Variants in ARID1A observed in about 807,000 individuals in gnomAD.
ARID1A encodes AT-rich interaction domain 1A, also known as AT-rich interactive domain-containing protein 1A.
Under a neutral mutation model 212.6 loss-of-function variants are expected in ARID1A, and 20 were observed. That is an observed-to-expected ratio of 0.09 (90% CI 0.07 to 0.14). The LOEUF (loss-of-function observed/expected upper bound fraction) is 0.14, where lower values mean the gene tolerates loss of function less well. Ranked by LOEUF, ARID1A falls within the 10% of genes least tolerant of loss-of-function variation. The pLI is 1.00. For missense variants in ARID1A, 2,587 were observed against 3,059.0 expected, an observed-to-expected ratio of 0.85 and a Z score of 3.64; for synonymous variants, 1,376 against 1,222.1, an observed-to-expected ratio of 1.13 and a Z score of -2.63.
intron 7 of ARID1A, 127 bp from the exon 8 acceptor site, chr1:26,762,846 G>A (rs779411347): frequency 4.9e-5 from 47 of 960,468 alleles, no homozygotes; most frequent in Non-Finnish European, 6.6e-5. Context: ...GGCGATAAAG[G>A]CTACCATGAA....
At chr1:26,713,253 T>C (rs2080470153) in intron 1 of ARID1A, among the ~76,000 whole-genome samples, 1 of 152,172 alleles carries the variant, frequency 6.6e-6, no homozygotes, top group Admixed American at 6.5e-5. Flanking sequence ...TCTGCATTAG[T>C]AGAATGCAGA....
Position 26,775,514 on chromosome 1 carries a change from G to T in ARID1A, c.4994-63G>T. Reference sequence around the variant, plus strand: ...TCAGAGTAGCTTCACTGATGGGGCAGCCCTAGGGGTGCCTCCAGCCAACCT... The same window carrying T: ...TCAGAGTAGCTTCACTGATGGGGCATCCCTAGGGGTGCCTCCAGCCAACCT... On this transcript the variant is annotated intron_variant, in intron 18 of 19. Transcript: ENST00000324856. 1.1e-5 allele frequency: 17 copies of T among 1,602,268 alleles called. No individual in the cohort carries two copies. In the South Asian group the frequency reaches 1.9e-4, roughly 18 times the overall value.
rs566544368 is a variant in ARID1A, at chr1:26,696,963, G to T, written c.560G>T (p.Gly187Val). Residue 187 changes from glycine to valine, a missense_variant, in exon 1 of 20, where the codon GGC becomes GTC. Gly to Val is a moderately radical substitution (Grantham distance 109). Transcript: ENST00000324856. The stretch of plus-strand genomic sequence containing the variant: ...CCTGGCCTGGCAGCGCTGCAGAGCG[G>T]CGGCGGCGGGGGCCTGGAGCCCTAC... ...QSPGLAALQS[G>V]GGGGLEPYAG... The T allele has an allele frequency of 2.9e-5, 43 of 1,476,796 alleles. No individual in the cohort carries two copies. In the African/African-American group the frequency reaches 5.7e-4, roughly 20 times the overall value. The allele number at this position is 1,476,796 out of a possible 1,614,324, so 91.5% of individuals were successfully genotyped here.
chr1:26,726,440 G>A (rs2080620101), intron 1 of ARID1A, among the ~76,000 whole-genome samples: 1 of 150,566 alleles, frequency 6.6e-6, no homozygotes, highest in Non-Finnish European at 1.5e-5. Context: ...CTCCCAAAGT[G>A]CTGGGATTAC....
intron 4 of ARID1A, among the ~76,000 whole-genome samples, chr1:26,748,163 G>C (rs2080854501): frequency 6.6e-6 from 1 of 152,216 alleles, no homozygotes. Flanking sequence ...CTAGTTCTAA[G>C]CCATGTTCAG....
rs1424072927 is a variant in ARID1A at position 26,774,153 on chromosome 1, GA to G, written c.4102-173del. 2.3e-6 allele frequency: 3 copies of G among 1,287,160 alleles called. No individual in the cohort carries two copies. In the African/African-American group the frequency reaches 4.5e-5, roughly 19 times the overall value. The allele number at this position is 1,287,160 out of a possible 1,614,324, so 79.7% of individuals were successfully genotyped here. A position where few individuals can be genotyped will look rare whatever the true frequency, so the allele number is the denominator to read the frequency against. On this transcript the variant is annotated intron_variant, in intron 17 of 19. Coordinates refer to ENST00000324856, the MANE Select transcript of ARID1A (RefSeq NM_006015.6). The surrounding 1 kb of genome is among the most constrained non-coding windows in gnomAD (Gnocchi z 5.6). ...TTTCTACTTAAGCAAGGGAAGGGAA[GA>G]AAGAGTGGTGGTTGCTTTTGGAAAC...
rs2081195556 is a variant in ARID1A, at chr1:26,781,544, A to C, written c.*788A>C. 2 of 233,470 alleles carry C rather than the reference A, an allele frequency of 8.6e-6. No homozygotes were observed. The highest frequency in any genetic ancestry group is 5.6e-5 in the Admixed American group (1 of 17,782). 14.5% of individuals were successfully genotyped at this position (233,470 alleles called of 1,614,324 possible). ...CTTTCTCTCCTCCTTGATTGTATGA[A>C]TAACCCTGAGATCACCTCTTAGAAC... On this transcript the variant is annotated 3_prime_UTR_variant, in exon 20 of 20. Coordinates refer to ENST00000324856, the MANE Select transcript of ARID1A (RefSeq NM_006015.6).
chr1:26,697,986 C>T (rs2080294622), intron 1 of ARID1A, among the ~76,000 whole-genome samples: 1 of 152,152 alleles, frequency 6.6e-6, no homozygotes, highest in South Asian at 2.1e-4. Flanking sequence ...CGCCCCCCAT[C>T]TGTGCTTTCA....
intron 1 of ARID1A, among the ~76,000 whole-genome samples, chr1:26,717,889 G>A (rs897569081): frequency 6.6e-6 from 1 of 152,160 alleles, no homozygotes; most frequent in African/African-American, 2.4e-5. Flanking sequence ...CAGGTAGAAG[G>A]ATCTATGAAT....
intron 4 of ARID1A, among the ~76,000 whole-genome samples, chr1:26,757,880 C>T (rs979448627): frequency 2.6e-5 from 4 of 152,056 alleles, no homozygotes; most frequent in African/African-American, 4.8e-5. Context: ...CCTCGTAATC[C>T]GCCTACCTCG....
chr1:26,739,775 C>A (rs1256368062), intron 4 of ARID1A, among the ~76,000 whole-genome samples: 2 of 152,076 alleles, frequency 1.3e-5, no homozygotes, highest in Non-Finnish European at 1.5e-5. Flanking sequence ...TTTAGTGGGG[C>A]CAAACTTAGT....
At chr1:26,703,769 A>G (rs1028395453) in intron 1 of ARID1A, among the ~76,000 whole-genome samples, 3 of 152,200 alleles carry the variant, frequency 2.0e-5, no homozygotes, top group Non-Finnish European at 4.4e-5. Context: ...AAATAGCCCT[A>G]TGTGATTACA....
chr1:26,780,388 C>T lies in ARID1A; in HGVS notation c.6490C>T (p.Arg2164Trp), dbSNP rs2124149645. 1 of 1,614,200 alleles carries T rather than the reference C, an allele frequency of 6.2e-7. No homozygotes were observed. Among genetic ancestry groups the T allele is most frequent in the East Asian group, 2.2e-5 (1 of 44,884 alleles). Residue 2164 changes from arginine (R) to tryptophan (W), a missense_variant, in exon 20 of 20, where the codon CGG becomes TGG. Physicochemically the swap from Arg to Trp is moderately radical, Grantham distance 101 (BLOSUM62 -3). Around this residue, in one of 11 missense-constraint regions of ARID1A, gnomAD observed 168 missense variants for 321.0 expected, o/e 0.52. Coordinates refer to ENST00000324856, the MANE Select transcript of ARID1A (RefSeq NM_006015.6). The surrounding 1 kb of genome is among the most constrained non-coding windows in gnomAD (Gnocchi z 7.2). The part of the protein sequence containing the change: ...FLSDRKNPVC[R>W]EMAVVLLANL... ...CAGTGACCGAAAGAACCCGGTGTGC[C>T]GGGAGATGGCTGTGGTACTGCTGGC...
chr1:26,730,793 C>G (rs1407919644), intron 2 of ARID1A, among the ~76,000 whole-genome samples: 3 of 152,168 alleles, frequency 2.0e-5, no homozygotes, highest in Admixed American at 6.5e-5. Flanking sequence ...ATTGACTATT[C>G]ATTGTGGTTA....
intron 1 of ARID1A, among the ~76,000 whole-genome samples, chr1:26,718,709 C>G (rs1482282467): frequency 6.6e-6 from 1 of 151,908 alleles, no homozygotes; most frequent in African/African-American, 2.4e-5. Context: ...GGAATAATGA[C>G]AAGAAAAAAA....
chr1:26,729,781 G>C lies in ARID1A; in HGVS notation c.1268G>C (p.Gly423Ala). 1 of 1,614,226 alleles carries C rather than the reference G, an allele frequency of 6.2e-7. No homozygotes were observed. The highest frequency in any genetic ancestry group is 8.5e-7 in the Non-Finnish European group (1 of 1,180,032). Residue 423 changes from glycine (G) to alanine (A), a missense_variant, in exon 2 of 20, where the codon GGG becomes GCG. By Grantham distance (60) the Gly-to-Ala change is moderately conservative. Coordinates refer to ENST00000324856, the MANE Select transcript of ARID1A (RefSeq NM_006015.6). ...QGHGYPGQPYGSQTPQRYPMT... is the reference protein window; with the variant it reads ...QGHGYPGQPYASQTPQRYPMT... ...CATGGGTACCCAGGGCAGCCATACGGGTCCCAGACCCCGCAGCGGTACCCG... is the reference window on the plus strand; with the variant it reads ...CATGGGTACCCAGGGCAGCCATACGCGTCCCAGACCCCGCAGCGGTACCCG...
At position 26,761,064 on chromosome 1, in the gene ARID1A, G is replaced by T. The variant is rs1171422700; in HGVS notation, c.2129G>T (p.Arg710Leu). 6 of 1,613,912 alleles carry T rather than the reference G, an allele frequency of 3.7e-6. No individual in the cohort carries two copies. The highest frequency in any genetic ancestry group is 5.1e-6 in the Non-Finnish European group (6 of 1,180,010). ...TCTCCCGCCAGTGTTGCTCAGTCTCGCTCAGGACCACTCTCGCCTGCTGCA... is the reference window on the plus strand; with the variant it reads ...TCTCCCGCCAGTGTTGCTCAGTCTCTCTCAGGACCACTCTCGCCTGCTGCA... ...VGSPASVAQSRSGPLSPAAVP... is the reference protein window; with the variant it reads ...VGSPASVAQSLSGPLSPAAVP... The change falls in exon 5 of 20, where the codon CGC (arginine) becomes CTC (leucine). Residue 710 changes from arginine (R) to leucine (L), a missense_variant. Physicochemically the swap from Arg to Leu is moderately radical, Grantham distance 102 (BLOSUM62 -2). Coordinates refer to ENST00000324856, the MANE Select transcript of ARID1A (RefSeq NM_006015.6).
intron 4 of ARID1A, among the ~76,000 whole-genome samples, chr1:26,737,019 C>T (rs2080739009): frequency 6.6e-6 from 1 of 151,860 alleles, no homozygotes; most frequent in Admixed American, 6.6e-5. Context: ...ACAGGTAAAA[C>T]TTTATATAGC....
chr1:26,714,445 G>C (rs945254294), intron 1 of ARID1A, among the ~76,000 whole-genome samples: 2 of 151,984 alleles, frequency 1.3e-5, no homozygotes, highest in African/African-American at 4.8e-5. Context: ...ACGGAATCTC[G>C]TTCGGTTGCC....
Sources: gnomAD v4.1 joint callset for allele counts (sites outside exome capture counted in the v4.1 genomes callset) on GRCh38, gnomAD v4.1.1 for gene constraint, gnomAD v4.1.1 regional missense constraint, Gnocchi (gnomAD v3.1) non-coding constraint, MANE v1.5 for transcripts, NCBI Gene and HGNC (gene_info 2026-07-23, HGNC 2026-07-21) for gene names.